Variants in NCKAP5 observed in about 807,000 individuals in gnomAD.
NCKAP5 encodes the protein nck-associated protein 5.
In NCKAP5, 92 loss-of-function variants were observed where a neutral mutation model predicts 167.0. The ratio of observed to expected loss-of-function variants is 0.55; its 90% CI spans 0.47 to 0.66. The LOEUF is 0.66. Ranked by LOEUF, NCKAP5 falls within the 30% of genes least tolerant of loss-of-function variation. The pLI is 0.00. For missense variants in NCKAP5, 2,378 were observed against 2,315.0 expected (o/e 1.03, Z -0.56); for synonymous variants, 891 against 877.4 (o/e 1.02, Z -0.27).
At chr2:133,182,355 C>T (rs1167047717) in intron 5 of NCKAP5, among the ~76,000 whole-genome samples, 2 of 152,126 alleles carry the variant, frequency 1.3e-5, no homozygotes, top group Admixed American at 1.3e-4. Flanking sequence ...GCCCAGGGAA[C>T]ATTTGCCAAG....
At chr2:133,236,429 G>A (rs2087425603) in intron 4 of NCKAP5, among the ~76,000 whole-genome samples, 2 of 152,042 alleles carry the variant, frequency 1.3e-5, no homozygotes, top group Admixed American at 1.3e-4. Flanking sequence ...AAAATATACA[G>A]GTTAATGACC....
At chr2:133,659,484 A>G in the NCKAP5 span, among the ~76,000 whole-genome samples, 13 of 152,232 alleles carry the variant, frequency 8.5e-5, no homozygotes, top group African/African-American at 2.9e-4. Context: ...AACAAAAGAA[A>G]AAGTTAGAGA....
chr2:133,489,431 C>T (rs771549529), intron 3 of NCKAP5, among the ~76,000 whole-genome samples: 3 of 152,158 alleles, frequency 2.0e-5, no homozygotes, highest in South Asian at 2.1e-4. Context: ...GGAGAATACA[C>T]AGTCATCCAT....
At chr2:133,010,836 A>G (rs990735884) in intron 6 of NCKAP5, among the ~76,000 whole-genome samples, 2 of 152,222 alleles carry the variant, frequency 1.3e-5, no homozygotes, top group Admixed American at 1.3e-4. Context: ...TTAGGCCAAA[A>G]TAGTGTCCAT....
intron 3 of NCKAP5, among the ~76,000 whole-genome samples, chr2:133,393,585 C>A (rs1172594187): frequency 6.6e-6 from 1 of 152,210 alleles, no homozygotes; most frequent in Non-Finnish European, 1.5e-5. Flanking sequence ...TTATATTCAT[C>A]TTTCATACTG....
intron 6 of NCKAP5, among the ~76,000 whole-genome samples, chr2:133,075,647 T>C (rs2080575327): frequency 6.6e-6 from 1 of 152,156 alleles, no homozygotes; most frequent in Admixed American, 6.5e-5. Context: ...CAACTCTAAG[T>C]AGACCATGAA....
chr2:133,642,615 A>T, the NCKAP5 span, among the ~76,000 whole-genome samples: 1 of 152,226 alleles, frequency 6.6e-6, no homozygotes. Flanking sequence ...TGAGACGAAC[A>T]TGTTTTGCAA....
the NCKAP5 span, among the ~76,000 whole-genome samples, chr2:133,638,998 G>GA: frequency 5.3e-4 from 80 of 151,894 alleles, no homozygotes; most frequent in South Asian, 1.2e-3. Context: ...TAATTAAACA[G>GA]AAAAAATAAG....
chr2:132,878,813 C>G (rs1691521904), intron 9 of NCKAP5, 35 bp downstream of exon 9: 1 of 1,532,664 alleles, frequency 6.5e-7, no homozygotes, highest in East Asian at 2.2e-5. Context: ...CCAACTAGTC[C>G]AGCCTTGGAT....
chr2:133,546,611 T>C (rs1287957776), intron 2 of NCKAP5, among the ~76,000 whole-genome samples: 3 of 152,122 alleles, frequency 2.0e-5, no homozygotes, highest in African/African-American at 4.8e-5. Flanking sequence ...GATTGAGGGA[T>C]GCCCCCACCC....
intron 19 of NCKAP5, among the ~76,000 whole-genome samples, chr2:132,695,759 C>T (rs1207850019): frequency 6.6e-6 from 1 of 152,178 alleles, no homozygotes; most frequent in East Asian, 1.9e-4. Context: ...AGCTCAGCCA[C>T]CATCACCCAT....
At chr2:133,550,993 A>T (rs1292693272) in intron 2 of NCKAP5, among the ~76,000 whole-genome samples, 1 of 152,148 alleles carries the variant, frequency 6.6e-6, no homozygotes, top group East Asian at 1.9e-4. Flanking sequence ...TCCCATTCAC[A>T]ATTGCTTCAA....
chr2:133,299,325 G>T (rs1400877269), intron 4 of NCKAP5, among the ~76,000 whole-genome samples: 1 of 152,166 alleles, frequency 6.6e-6, no homozygotes, highest in Non-Finnish European at 1.5e-5. Context: ...AGGCAACCCG[G>T]CCTGGTGAGG....
At chr2:133,040,936 T>G (rs1213230774) in intron 6 of NCKAP5, among the ~76,000 whole-genome samples, 1 of 152,148 alleles carries the variant, frequency 6.6e-6, no homozygotes, top group Non-Finnish European at 1.5e-5. Context: ...AGTTATTGAA[T>G]TTTCTCCTGG....
chr2:133,129,513 G>T (rs1038116029), intron 6 of NCKAP5, among the ~76,000 whole-genome samples: 8 of 152,204 alleles, frequency 5.3e-5, no homozygotes, highest in Non-Finnish European at 1.2e-4. Context: ...CATTTGGGTT[G>T]GTTCCAAGTC....
At chr2:132,812,215 C>A (rs1028783596) in intron 11 of NCKAP5, among the ~76,000 whole-genome samples, 2 of 152,158 alleles carry the variant, frequency 1.3e-5, no homozygotes, top group Admixed American at 6.5e-5. Flanking sequence ...TGATCTGGAG[C>A]TAAAATTCAT....
At chr2:133,038,839 G>T (rs893364619) in intron 6 of NCKAP5, among the ~76,000 whole-genome samples, 6 of 152,112 alleles carry the variant, frequency 3.9e-5, no homozygotes, top group Non-Finnish European at 5.9e-5. Context: ...TGCCATGTAG[G>T]TAATAGTCAC....
intron 9 of NCKAP5, among the ~76,000 whole-genome samples, chr2:132,876,706 T>G (rs1411294780): frequency 6.6e-6 from 1 of 152,206 alleles, no homozygotes; most frequent in Non-Finnish European, 1.5e-5. Flanking sequence ...TTGTCACAAA[T>G]CACCTCTTTG....
chr2:133,373,598 A>G (rs923851339), intron 3 of NCKAP5, among the ~76,000 whole-genome samples: 2 of 152,244 alleles, frequency 1.3e-5, no homozygotes, highest in Non-Finnish European at 2.9e-5. Context: ...AAGACCCTGA[A>G]TAGTGAAAAA....
Sources: gnomAD v4.1 joint callset for allele counts (sites outside exome capture counted in the v4.1 genomes callset) on GRCh38, gnomAD v4.1.1 for gene constraint, MANE v1.5 for transcripts, NCBI Gene and HGNC (gene_info 2026-07-23, HGNC 2026-07-21) for gene names.